The following PREX2 variants were observed in gnomAD, a reference collection of about 807,000 sequenced individuals.
The protein encoded by PREX2 is phosphatidylinositol 3,4,5-trisphosphate-dependent Rac exchanger 2 protein.
Under a neutral mutation model 203.2 loss-of-function variants are expected in PREX2, and 107 were observed. That is an observed-to-expected ratio of 0.53 (90% confidence interval 0.45 to 0.62). The LOEUF is 0.62. PREX2 is among the 20% of genes least tolerant of loss of function. The probability of loss-of-function intolerance (pLI) is 0.00; values close to 1 mark genes in which losing one functional copy is unlikely to be tolerated. For synonymous variants in PREX2, 672 were observed against 663.6 expected, an observed-to-expected ratio of 1.01 and a Z score of -0.19; for missense variants, 1,777 against 1,955.9, an observed-to-expected ratio of 0.91 and a Z score of 1.72.
In PREX2 at chr8:68,108,263, C is replaced by T; in HGVS notation, c.2870C>T (p.Ala957Val). The T allele has an allele frequency of 6.2e-7, 1 of 1,613,934 alleles. No individual in the cohort carries two copies. The highest frequency in any genetic ancestry group is 1.1e-5 in the South Asian group (1 of 91,072). ...YPKTSTSLGS[A>V]FGVQLDSRKH... ...AAAACATCAACCTCTTTGGGAAGTG[C>T]ATTTGGTGTTCAGTTGGATAGCAGG... Residue 957 changes from alanine (A) to valine (V), a missense_variant, in exon 24 of 40, where the codon GCA (alanine) becomes GTA (valine). Ala to Val is a moderately conservative substitution (Grantham distance 64, BLOSUM62 0). Transcript: ENST00000288368.
intron 1 of PREX2, among the ~76,000 whole-genome samples, chr8:67,976,085 T>A (rs1806075577): frequency 6.6e-6 from 1 of 152,056 alleles, no homozygotes; most frequent in Admixed American, 6.6e-5. Flanking sequence ...TTTGATGAAG[T>A]TATAACACAC....
intron 35 of PREX2, among the ~76,000 whole-genome samples, chr8:68,160,967 G>A (rs1051252335): frequency 2.6e-5 from 4 of 151,980 alleles, no homozygotes; most frequent in Non-Finnish European, 5.9e-5. Context: ...TATTATTAAT[G>A]GTAAAGTTAT....
Position 68,055,906 on chromosome 8 carries a change from C to G in PREX2, c.1170C>G (p.Cys390Trp), listed in dbSNP as rs1368426726. The change falls in exon 10 of 40, where the codon TGC (cysteine) becomes TGG (tryptophan). Residue 390 changes from cysteine to tryptophan, a missense_variant. By Grantham distance (215) the Cys-to-Trp change is radical. Coordinates refer to ENST00000288368, the MANE Select transcript of PREX2 (RefSeq NM_024870.4). ...EQGEKLYKMM[C>W]RQGNLIKDRK... Reference sequence around the variant, plus strand: ...GTGAGAAACTTTATAAAATGATGTGCAGACAAGGAAATCTGATCAAAGACC... The same window carrying G: ...GTGAGAAACTTTATAAAATGATGTGGAGACAAGGAAATCTGATCAAAGACC... The G allele has an allele frequency of 6.2e-7, 1 of 1,612,514 alleles. No individual in the cohort carries two copies. Among genetic ancestry groups the G allele is most frequent in the Non-Finnish European group, 8.5e-7 (1 of 1,178,750 alleles).
chr8:68,127,313 G>A, intron 30 of PREX2, 65 bp from the exon 31 acceptor site: 5 of 1,284,248 alleles, frequency 3.9e-6, no homozygotes, highest in Non-Finnish European at 5.6e-6. Flanking sequence ...TGACTACACA[G>A]TTAAAATATG....
chr8:67,956,452 C>T (rs1042088070), intron 1 of PREX2, among the ~76,000 whole-genome samples: 2 of 152,184 alleles, frequency 1.3e-5, no homozygotes, highest in African/African-American at 2.4e-5. Context: ...TATCTTTGAC[C>T]TTGTGTTTTG....
chr8:68,190,917 C>T lies in PREX2; in HGVS notation c.4347-805C>T, dbSNP rs373875295. 1.3e-4 allele frequency among the ~76,000 whole-genome samples: 19 copies of T among 151,776 alleles called. No individual in the cohort carries two copies. The South Asian group carries it at 4.0e-3, about 32-fold the overall frequency. On this transcript the variant is annotated intron_variant, in intron 35 of 39. Coordinates refer to ENST00000288368, the MANE Select transcript of PREX2 (RefSeq NM_024870.4). ...CGAGCCACAAGCAAAGCAAACACAG[C>T]GATAATTATTTGGAAATTGCTGTAA...
chr8:68,151,211 A>T (rs1045692511), intron 34 of PREX2, among the ~76,000 whole-genome samples: 2 of 152,130 alleles, frequency 1.3e-5, no homozygotes, highest in Non-Finnish European at 2.9e-5. Context: ...ACTTGAGCGC[A>T]GGAACTTGAG....
At chr8:68,074,921 G>A (rs16934155) in intron 14 of PREX2, among the ~76,000 whole-genome samples, 80,885 of 151,956 alleles carry the variant, frequency 0.53, 21,562 homozygotes, top group South Asian at 0.56. Flanking sequence ...GTTCTTCTGA[G>A]TACATTTTTC....
intron 37 of PREX2, among the ~76,000 whole-genome samples, chr8:68,214,164 G>A (rs192592864): frequency 2.0e-5 from 3 of 152,320 alleles, no homozygotes; most frequent in Admixed American, 2.0e-4. Flanking sequence ...ACTTTGGGAG[G>A]CTGAAGCAGG....
intron 29 of PREX2, 112 bp from the exon 30 acceptor site, chr8:68,120,809 C>T (rs1258488367): frequency 3.7e-6 from 3 of 819,746 alleles, no homozygotes; most frequent in Non-Finnish European, 5.6e-6. Flanking sequence ...AAAGAAATGA[C>T]CACCATGTCA....
intron 37 of PREX2, among the ~76,000 whole-genome samples, chr8:68,193,362 T>C (rs1812334121): frequency 6.6e-6 from 1 of 152,218 alleles, no homozygotes; most frequent in Non-Finnish European, 1.5e-5. Context: ...GCACAGAACA[T>C]GCAGTTTTGT....
At chr8:68,089,590 T>A (rs563086813) in intron 19 of PREX2, among the ~76,000 whole-genome samples, 28 of 152,352 alleles carry the variant, frequency 1.8e-4, no homozygotes, top group African/African-American at 6.5e-4. Flanking sequence ...TTTTTCAGGC[T>A]GTTCTTTCTG....
chr8:68,212,013 T>A (rs1398284564), intron 37 of PREX2, among the ~76,000 whole-genome samples: 2 of 152,164 alleles, frequency 1.3e-5, no homozygotes, highest in African/African-American at 4.8e-5. Flanking sequence ...ATATAGAAAT[T>A]GTTTCATGTC....
At chr8:68,201,199 G>T (rs1057134261) in intron 37 of PREX2, among the ~76,000 whole-genome samples, 1 of 151,966 alleles carries the variant, frequency 6.6e-6, no homozygotes, top group Admixed American at 6.6e-5. Context: ...AATAAGTGAC[G>T]TAAGATAAAT....
chr8:68,177,628 TC>T (rs1812006250), intron 35 of PREX2, among the ~76,000 whole-genome samples: 1 of 152,222 alleles, frequency 6.6e-6, no homozygotes, highest in Non-Finnish European at 1.5e-5. Context: ...TACTTTTTTT[TC>T]CTTCAACTTT....
At chr8:68,083,866 TTAAC>T (rs977634443) in intron 18 of PREX2, among the ~76,000 whole-genome samples, 2 of 152,190 alleles carry the variant, frequency 1.3e-5, no homozygotes, top group African/African-American at 4.8e-5. Context: ...AAAAATTCTA[TTAAC>T]TATCTACCTA....
chr8:68,144,125 A>G (rs1811279678), intron 33 of PREX2, among the ~76,000 whole-genome samples: 1 of 152,170 alleles, frequency 6.6e-6, no homozygotes, highest in Non-Finnish European at 1.5e-5. Context: ...AAGGAGTATC[A>G]GTCTTCCAAC....
At chr8:68,228,191 G>A (rs13271692) in intron 39 of PREX2, among the ~76,000 whole-genome samples, 39,915 of 152,000 alleles carry the variant, frequency 0.26, 5,902 homozygotes, top group South Asian at 0.46. Flanking sequence ...TCCAGATGTC[G>A]GATTGCACAT....
At chr8:68,228,765 CTAAA>C (rs59480721) in intron 39 of PREX2, among the ~76,000 whole-genome samples, 13,610 of 140,434 alleles carry the variant, frequency 0.097, 746 homozygotes, top group South Asian at 0.12. Context: ...GACTCCGTCT[CTAAA>C]TAAATAAATA....
Sources: allele counts gnomAD v4.1 joint callset (sites outside exome capture counted in the v4.1 genomes callset), GRCh38; gene constraint gnomAD v4.1.1; transcripts MANE v1.5; gene names NCBI Gene and HGNC (gene_info 2026-07-23, HGNC 2026-07-21).